Variants in FAM81A observed in about 807,000 individuals in gnomAD.
The protein encoded by FAM81A is protein FAM81A.
In FAM81A, 19 loss-of-function variants were observed where a neutral mutation model predicts 46.7. The observed-to-expected ratio is 0.41, with a 90% CI of 0.28 to 0.60. The LOEUF is 0.60. FAM81A is among the 20% of genes least tolerant of loss of function. The pLI, the probability that FAM81A is intolerant of heterozygous loss-of-function variation, is 0.34. For missense variants in FAM81A, 377 were observed against 453.5 expected (o/e 0.83, Z 1.53); for synonymous variants, 183 against 152.9 (o/e 1.20, Z -1.45).
At chr15:59,489,075 C>G (rs1270656690) in intron 3 of FAM81A, among the ~76,000 whole-genome samples, 1 of 152,108 alleles carries the variant, frequency 6.6e-6, no homozygotes, top group Non-Finnish European at 1.5e-5. Context: ...ACCATACTGG[C>G]TAACACGGAG....
At chr15:59,513,081 C>T (rs1482583775) in intron 6 of FAM81A, among the ~76,000 whole-genome samples, 1 of 152,098 alleles carries the variant, frequency 6.6e-6, no homozygotes, top group Non-Finnish European at 1.5e-5. Context: ...ACATCACATA[C>T]ATTCTTCTGT....
intron 3 of FAM81A, among the ~76,000 whole-genome samples, chr15:59,476,846 G>A (rs1375132629): frequency 6.6e-6 from 1 of 151,728 alleles, no homozygotes; most frequent in African/African-American, 2.4e-5. Context: ...ACTTGGCCGG[G>A]CGTGGTGGCT....
intron 1 of FAM81A, among the ~76,000 whole-genome samples, chr15:59,398,759 G>GAA (rs71119468): frequency 0.013 from 539 of 41,398 alleles, 61 homozygotes; most frequent in Non-Finnish European, 0.016. Context: ...CTCTGTCTCA[G>GAA]AAAAAAAAAA....
chr15:59,516,420 G>A (rs1385610968), intron 7 of FAM81A, among the ~76,000 whole-genome samples: 3 of 152,132 alleles, frequency 2.0e-5, no homozygotes, highest in Admixed American at 6.5e-5. Context: ...GTGAGCCACC[G>A]CACCCAGCCT....
At chr15:59,519,499 CTTCTCTCT>C (rs1218531720) in intron 8 of FAM81A, among the ~76,000 whole-genome samples, 15 of 149,368 alleles carry the variant, frequency 1.0e-4, no homozygotes, top group African/African-American at 2.7e-4. Context: ...TTCCTCCCTC[CTTCTCTCT>C]TTCTCTCTTT....
chr15:59,518,998 ACT>A (rs2082298068), intron 8 of FAM81A, among the ~76,000 whole-genome samples: 1 of 149,778 alleles, frequency 6.7e-6, no homozygotes, highest in Non-Finnish European at 1.5e-5. Context: ...CTGAAAATGT[ACT>A]CTTTTAGCAA....
rs148346537 is a variant in FAM81A at position 59,402,743 on chromosome 15, G to A, written c.-78+385G>A. On this transcript the variant is annotated intron_variant, in intron 2 of 4. Coordinates refer to the FAM81A transcript ENST00000558348. The stretch of plus-strand genomic sequence containing the variant: ...GGTGGGGGGGATATTTAGTAGAGAT[G>A]GGGTTTCACCATGTTAGCCAGGCTG... Among the ~76,000 whole-genome samples, 1,153 of 151,392 alleles carry A rather than the reference G, an allele frequency of 7.6e-3. 20 individuals carry two copies. Among genetic ancestry groups the A allele is most frequent in the African/African-American group, 0.027 (1,106 of 41,130 alleles).
At chr15:59,495,537 A>C (rs1437921520) in intron 4 of FAM81A, among the ~76,000 whole-genome samples, 6 of 152,212 alleles carry the variant, frequency 3.9e-5, no homozygotes, top group Non-Finnish European at 8.8e-5. Flanking sequence ...ATGTACCTAG[A>C]ATGAAAAAGC....
intron 1 of FAM81A, among the ~76,000 whole-genome samples, chr15:59,456,708 T>C (rs2081489408): frequency 6.6e-6 from 1 of 152,148 alleles, no homozygotes; most frequent in African/African-American, 2.4e-5. Context: ...CCAGAGTAGC[T>C]TGGACTACAG....
At chr15:59,466,385 A>G (rs1482983072) in intron 3 of FAM81A, among the ~76,000 whole-genome samples, 2 of 151,962 alleles carry the variant, frequency 1.3e-5, no homozygotes, top group Non-Finnish European at 2.9e-5. Context: ...CTGACTTTTT[A>G]ATGATTGCCA....
chr15:59,451,012 A>T (rs1314414749), intron 1 of FAM81A, among the ~76,000 whole-genome samples: 1 of 152,192 alleles, frequency 6.6e-6, no homozygotes, highest in Admixed American at 6.5e-5. Flanking sequence ...ACACCAAGAG[A>T]CAAGGATGGT....
At chr15:59,470,274 C>G (rs1012918892) in intron 3 of FAM81A, among the ~76,000 whole-genome samples, 52 of 152,260 alleles carry the variant, frequency 3.4e-4, no homozygotes, top group African/African-American at 1.1e-3. Flanking sequence ...GGGAAATTCT[C>G]CTGGATGATA....
intron 2 of FAM81A, among the ~76,000 whole-genome samples, chr15:59,459,321 G>A (rs80108136): frequency 3.3e-5 from 5 of 152,180 alleles, no homozygotes; most frequent in African/African-American, 7.2e-5. Flanking sequence ...TAAATGAATC[G>A]TTAACATTTT....
At chr15:59,472,764 C>T (rs1364011034) in intron 3 of FAM81A, among the ~76,000 whole-genome samples, 8 of 152,050 alleles carry the variant, frequency 5.3e-5, no homozygotes, top group Admixed American at 4.6e-4. Flanking sequence ...GTTGTCCAAT[C>T]ATTTCCATTA....
At chr15:59,464,570 G>A (rs1286806089) in intron 3 of FAM81A, among the ~76,000 whole-genome samples, 1 of 152,140 alleles carries the variant, frequency 6.6e-6, no homozygotes, top group Non-Finnish European at 1.5e-5. Context: ...GATAATTAGT[G>A]ATATTGGGCC....
At chr15:59,490,598 G>A (rs536987858) in intron 3 of FAM81A, among the ~76,000 whole-genome samples, 2 of 152,228 alleles carry the variant, frequency 1.3e-5, no homozygotes, top group Non-Finnish European at 2.9e-5. Flanking sequence ...TTGGGAGGCC[G>A]AGGTGGGTGG....
chr15:59,427,240 A>T (rs1453975628), intron 2 of FAM81A, among the ~76,000 whole-genome samples: 3 of 152,076 alleles, frequency 2.0e-5, no homozygotes, highest in Non-Finnish European at 4.4e-5. Context: ...CCTCCTGAGC[A>T]GCTGGGATCA....
upstream of FAM81A, chr15:59,438,109 C>T (rs2141574229): frequency 6.8e-6 from 1 of 146,360 alleles, no homozygotes; most frequent in Middle Eastern, 3.5e-3. Context: ...CCGGGAGCCG[C>T]GAACCCGGCC....
chr15:59,442,010 G>A (rs949636170), intron 1 of FAM81A, among the ~76,000 whole-genome samples: 31 of 152,184 alleles, frequency 2.0e-4, no homozygotes, highest in African/African-American at 5.8e-4. Flanking sequence ...GATTACTCCC[G>A]TTATGTAGGT....
Sources: gnomAD v4.1 joint callset for allele counts (sites outside exome capture counted in the v4.1 genomes callset) on GRCh38, gnomAD v4.1.1 for gene constraint, MANE v1.5 for transcripts, NCBI Gene and HGNC (gene_info 2026-07-23, HGNC 2026-07-21) for gene names.